Variants in OTOG observed in about 807,000 individuals in gnomAD.
OTOG encodes the protein otogelin.
In OTOG, 296 loss-of-function variants were observed where a neutral mutation model predicts 313.8. That is an observed-to-expected ratio of 0.94 (90% CI 0.86 to 1.04). OTOG has a LOEUF of 1.04. Among genes scored for constraint, OTOG ranks in the 50% least tolerant of loss-of-function variants. The pLI is 0.00. For missense variants in OTOG, 3,948 were observed against 3,840.1 expected (o/e 1.03, Z -0.74); for synonymous variants, 1,533 against 1,554.9 (o/e 0.99, Z 0.33).
chr11:17,645,863 G>T lies in OTOG; in HGVS notation c.8661G>T (p.Val2887=). 6.4e-7 allele frequency: 1 copy of T among 1,550,830 alleles called. No individual in the cohort carries two copies. Residue 2887 remains valine, a synonymous_variant, in exon 56 of 56, where the codon GTG becomes GTT. Transcript: ENST00000399397. ...CREVGLQRRS[V]QLFCATNATW... ...AGGTGGGCCTGCAGCGGCGCTCTGT[G>T]CAGCTCTTCTGTGCCACCAATGCCA...
In OTOG at chr11:17,635,155, T is replaced by C; in HGVS notation, c.7661T>C (p.Leu2554Pro). 6.5e-7 allele frequency: 1 copy of C among 1,546,622 alleles called. No individual in the cohort carries two copies. Among genetic ancestry groups the C allele is most frequent in the Non-Finnish European group, 8.7e-7 (1 of 1,146,096 alleles). The change falls in exon 46 of 56, where the codon CTG (leucine) becomes CCG (proline). Residue 2554 changes from leucine to proline, a missense_variant. Coordinates refer to ENST00000399397, the MANE Select transcript of OTOG (RefSeq NM_001292063.2). ...RQDQILITGR[L>P]GDSCCTSYFC... ...GACCAGATCCTGATCACGGGCCGCC[T>C]GGGGGACTCCTGCTGCACCTCCTAC...
At chr11:17,581,694 C>T (rs1050910370) in intron 23 of OTOG, among the ~76,000 whole-genome samples, 1 of 152,094 alleles carries the variant, frequency 6.6e-6, no homozygotes, top group East Asian at 1.9e-4. Context: ...AAATTGATAC[C>T]TGCTTGTAAC....
chr11:17,608,331 G>A lies in OTOG; in HGVS notation c.4192G>A (p.Glu1398Lys), dbSNP rs573927382. 23 of 1,546,230 alleles carry A rather than the reference G, an allele frequency of 1.5e-5. No homozygotes were observed. In the East Asian group the frequency reaches 3.2e-4, roughly 21 times the overall value. The change falls in exon 34 of 56, where the codon GAG (glutamate) becomes AAG (lysine). Residue 1398 changes from glutamate to lysine, a missense_variant. By Grantham distance (56) the Glu-to-Lys change is moderately conservative (BLOSUM62 1). Transcript: ENST00000399397. ...KPSGAAYPIC[E>K]WRYDACASPC... The stretch of plus-strand genomic sequence containing the variant: ...CTCGGGGGCTGCCTACCCCATCTGC[G>A]AGTGGCGCTACGATGCCTGTGCCAG...
At chr11:17,632,364 AT>A in intron 42 of OTOG, 138 bp downstream of exon 42, 1 of 679,608 alleles carries the variant, frequency 1.5e-6, no homozygotes, top group Non-Finnish European at 2.1e-6. Flanking sequence ...ACATTAGTAA[AT>A]TTATAAATAT....
intron 39 of OTOG, among the ~76,000 whole-genome samples, chr11:17,617,232 G>C (rs747013400): frequency 6.6e-6 from 1 of 151,990 alleles, no homozygotes. Flanking sequence ...TTTATATATT[G>C]TTGTATCCTT....
At chr11:17,642,496 A>T (rs191284668) in intron 53 of OTOG, among the ~76,000 whole-genome samples, 26 of 152,354 alleles carry the variant, frequency 1.7e-4, no homozygotes, top group Admixed American at 1.2e-3. Flanking sequence ...TGTTCTAGGC[A>T]CATTCAGCCA....
rs549240586 is a variant in OTOG, at chr11:17,643,615, C to T, written c.8461+109C>T. 8 of 745,106 alleles carry T rather than the reference C, an allele frequency of 1.1e-5. No homozygotes were observed. The East Asian group carries it at 2.7e-4, about 25-fold the overall frequency. 46.2% of individuals were successfully genotyped at this position (745,106 alleles called of 1,614,324 possible). ...CCTGGCCTGGCACCTAAAATGATAG[C>T]TCTTCTGGGCTGAGTAGATGAAGGG... On this transcript the variant is annotated intron_variant, in intron 54 of 55. Transcript: ENST00000399397.
In OTOG at chr11:17,640,832, A is replaced by G; in HGVS notation, c.8011+12A>G. 11 of 1,550,198 alleles carry G rather than the reference A, an allele frequency of 7.1e-6. No homozygotes were observed. The highest frequency in any genetic ancestry group is 8.7e-6 in the Non-Finnish European group (10 of 1,146,984). On this transcript the variant is annotated intron_variant, in intron 50 of 55. Transcript: ENST00000399397. ...CAAGTACGAGTGTGGTGAGTGGGGG[A>G]AGCCTCGGGGCAGAGCCATGCAGGA...
intron 6 of OTOG, among the ~76,000 whole-genome samples, chr11:17,554,008 T>A (rs2133999751): frequency 6.6e-6 from 1 of 152,282 alleles, no homozygotes; most frequent in South Asian, 2.1e-4. Flanking sequence ...GAAAGTCACA[T>A]TTAAGTTGAG....
intron 23 of OTOG, among the ~76,000 whole-genome samples, chr11:17,580,357 G>A (rs918763796): frequency 3.9e-5 from 6 of 152,230 alleles, no homozygotes; most frequent in African/African-American, 1.2e-4. Flanking sequence ...ATGGCACAGA[G>A]TAAACACTCT....
At position 17,591,498 on chromosome 11, in the gene OTOG, C is replaced by G. The variant is rs1002956621; in HGVS notation, c.2916C>G (p.Ser972=). The part of the protein sequence containing the change: ...SFQCTLHPCA[S]TCTAYGDRHY... Reference sequence around the variant, plus strand: ...AGTGCACCCTGCACCCTTGCGCCTCCACCTGCACTGCCTATGGGGACCGGC... The same window carrying G: ...AGTGCACCCTGCACCCTTGCGCCTCGACCTGCACTGCCTATGGGGACCGGC... The change falls in exon 25 of 56, where the codon TCC becomes TCG. Residue 972 remains serine, a synonymous_variant. Coordinates refer to ENST00000399397, the MANE Select transcript of OTOG (RefSeq NM_001292063.2). 1 of 1,550,710 alleles carries G rather than the reference C, an allele frequency of 6.4e-7. No individual in the cohort carries two copies. The highest frequency in any genetic ancestry group is 8.7e-7 in the Non-Finnish European group (1 of 1,147,036).
At chr11:17,558,442 T>C in intron 9 of OTOG, 96 bp from the exon 10 acceptor site, 2 of 1,520,388 alleles carry the variant, frequency 1.3e-6, no homozygotes, top group Non-Finnish European at 1.8e-6. Context: ...TTCTCTGCCT[T>C]CCTCTCCCTC....
In OTOG at chr11:17,635,682, C is replaced by T. The variant is rs1382894068; in HGVS notation, c.7766C>T (p.Thr2589Met). 6 of 1,550,556 alleles carry T rather than the reference C, an allele frequency of 3.9e-6. No homozygotes were observed. Among genetic ancestry groups the T allele is most frequent in the African/African-American group, 2.7e-5 (2 of 73,170 alleles). Residue 2589 changes from threonine (T) to methionine (M), a missense_variant, in exon 47 of 56, where the codon ACG (threonine) becomes ATG (methionine). Thr to Met is a moderately conservative substitution (Grantham distance 81). Transcript: ENST00000399397. ...GCGCTCACTGTGCACAGGAATACCA[C>T]GGAACTCTGCTGCCCTCTGTACCAG... is the stretch of plus-strand genomic sequence containing the variant. ...GEALTVHRNT[T>M]ELCCPLYQCV...
chr11:17,622,393 T>C (rs191133588), intron 39 of OTOG, among the ~76,000 whole-genome samples: 1 of 152,330 alleles, frequency 6.6e-6, no homozygotes, highest in East Asian at 1.9e-4. Flanking sequence ...TATATACTCA[T>C]TTATTTATCT....
chr11:17,549,774 C>A (rs1229548440), intron 3 of OTOG, among the ~76,000 whole-genome samples: 2 of 152,234 alleles, frequency 1.3e-5, no homozygotes, highest in Non-Finnish European at 2.9e-5. Flanking sequence ...GTGGACCAGG[C>A]AACCTGGGGA....
At chr11:17,615,696 C>T (rs144057405) in intron 39 of OTOG, among the ~76,000 whole-genome samples, 10 of 152,230 alleles carry the variant, frequency 6.6e-5, no homozygotes, top group Admixed American at 1.3e-4. Flanking sequence ...TTTGGGAGGC[C>T]GAGGTGGGCG....
chr11:17,640,878 C>G, intron 50 of OTOG, 35 bp from the exon 51 acceptor site: 1 of 1,549,382 alleles, frequency 6.5e-7, no homozygotes, highest in Non-Finnish European at 8.7e-7. Context: ...TGCCTGGGCT[C>G]TGGATGACTG....
At chr11:17,584,198 T>G (rs1266031259) in intron 23 of OTOG, among the ~76,000 whole-genome samples, 6 of 152,230 alleles carry the variant, frequency 3.9e-5, no homozygotes, top group Non-Finnish European at 7.3e-5. Context: ...TAGTGGCTTT[T>G]CTTTGGGTAG....
At position 17,573,291 on chromosome 11, in the gene OTOG, G is replaced by A. The variant is rs1396282194; in HGVS notation, c.2293+1G>A. The A allele has an allele frequency of 1.3e-6, 2 of 1,523,044 alleles. No homozygotes were observed. Among genetic ancestry groups the A allele is most frequent in the East Asian group, 2.5e-5 (1 of 40,678 alleles). The allele number at this position is 1,523,044 out of a possible 1,614,324, so 94.3% of individuals were successfully genotyped here. ...TTCCGCGCCCGCCTGCCAGCCTGTG[G>A]TGAGTGCCCCACCCATGTGAGGCTG... On this transcript the variant is annotated splice_donor_variant, in intron 19 of 55. Transcript: ENST00000399397. LOFTEE classifies it high-confidence loss of function.
Sources: allele counts gnomAD v4.1 joint callset (sites outside exome capture counted in the v4.1 genomes callset), GRCh38; gene constraint gnomAD v4.1.1; transcripts MANE v1.5; gene names NCBI Gene and HGNC (gene_info 2026-07-23, HGNC 2026-07-21).